DCAF8L2: variants seen among roughly 807,000 people sequenced by gnomAD.
The protein encoded by DCAF8L2 is DDB1- and CUL4-associated factor 8-like protein 2.
For missense variants in DCAF8L2, 430 were observed against 490.7 expected, an observed-to-expected ratio of 0.88 and a Z score of 1.17; for synonymous variants, 200 against 190.9, an observed-to-expected ratio of 1.05 and a Z score of -0.39.
chrX:27,548,205 C>T, the DCAF8L2 span, among the ~76,000 whole-genome samples: 7 of 107,348 alleles, frequency 6.5e-5, no homozygotes, highest in African/African-American at 2.4e-4. Flanking sequence ...TTTTCCGATA[C>T]CGGAAGTCAT....
chrX:27,536,792 C>T, the DCAF8L2 span, among the ~76,000 whole-genome samples: 151 of 111,895 alleles, frequency 1.3e-3, 1 homozygote, highest in Non-Finnish European at 2.5e-3. Flanking sequence ...GGCTCCACCC[C>T]GTTCTCCTGG....
chrX:27,620,791 G>A (rs1048802229), intron 1 of DCAF8L2, among the ~76,000 whole-genome samples: 2 of 111,630 alleles, frequency 1.8e-5, no homozygotes, highest in African/African-American at 3.3e-5. Flanking sequence ...TAAAATTGAT[G>A]TATGGTCCAG....
At chrX:27,709,209 C>T (rs779146166) in intron 3 of DCAF8L2, among the ~76,000 whole-genome samples, 2 of 112,349 alleles carry the variant, frequency 1.8e-5, no homozygotes, top group Admixed American at 9.4e-5. Flanking sequence ...CGTGAGCCAC[C>T]GCGCCCGACC....
chrX:27,474,875 G>T, the DCAF8L2 span, among the ~76,000 whole-genome samples: 1 of 110,712 alleles, frequency 9.0e-6, no homozygotes, highest in Non-Finnish European at 1.9e-5. Context: ...TACTTCTCTG[G>T]CCCAGGCACT....
chrX:27,551,669 CT>C, the DCAF8L2 span, among the ~76,000 whole-genome samples: 10 of 111,198 alleles, frequency 9.0e-5, no homozygotes, highest in Non-Finnish European at 1.7e-4. Flanking sequence ...GATTTCATTA[CT>C]TTTTTTATAT....
the DCAF8L2 span, among the ~76,000 whole-genome samples, chrX:27,505,899 G>A: frequency 8.9e-6 from 1 of 111,922 alleles, no homozygotes; most frequent in Non-Finnish European, 1.9e-5. Context: ...AAAGTTTGGG[G>A]TAATTTGTCA....
chrX:27,623,372 T>C (rs778730072), intron 1 of DCAF8L2, among the ~76,000 whole-genome samples: 9 of 111,590 alleles, frequency 8.1e-5, no homozygotes, highest in Non-Finnish European at 1.7e-4. Context: ...GCTGTATTAA[T>C]TTACTGTAAA....
chrX:27,492,336 A>G, the DCAF8L2 span, among the ~76,000 whole-genome samples: 1 of 111,987 alleles, frequency 8.9e-6, no homozygotes, highest in South Asian at 3.7e-4. Context: ...GTTGTTTACA[A>G]CTTTTGACTA....
chrX:27,584,688 A>G, the DCAF8L2 span, among the ~76,000 whole-genome samples: 2 of 111,826 alleles, frequency 1.8e-5, no homozygotes, highest in Admixed American at 1.9e-4. Flanking sequence ...TATTCTATGT[A>G]AGGAAGTTAA....
intron 4 of DCAF8L2, among the ~76,000 whole-genome samples, chrX:27,718,939 T>C (rs1411565180): frequency 8.9e-6 from 1 of 111,801 alleles, no homozygotes; most frequent in East Asian, 2.8e-4. Flanking sequence ...TGTATGTATG[T>C]ATATTATATA....
At chrX:27,657,043 A>C (rs1929380234) in intron 2 of DCAF8L2, among the ~76,000 whole-genome samples, 1 of 110,809 alleles carries the variant, frequency 9.0e-6, no homozygotes, top group South Asian at 3.9e-4. Flanking sequence ...CCTGGGTAGA[A>C]TACAAGCAGA....
chrX:27,640,792 G>A (rs1039782885), intron 2 of DCAF8L2, among the ~76,000 whole-genome samples: 2 of 101,721 alleles, frequency 2.0e-5, no homozygotes, highest in Admixed American at 1.1e-4. Flanking sequence ...ATATGTAGTG[G>A]TATTTTACAA....
intron 1 of DCAF8L2, among the ~76,000 whole-genome samples, chrX:27,620,389 T>G (rs1927700130): frequency 9.0e-6 from 1 of 111,304 alleles, no homozygotes; most frequent in Non-Finnish European, 1.9e-5. Context: ...TTGTGGAAAT[T>G]TAAAAATTTA....
chrX:27,500,329 G>A, the DCAF8L2 span, among the ~76,000 whole-genome samples: 1 of 111,552 alleles, frequency 9.0e-6, no homozygotes, highest in Admixed American at 9.6e-5. Flanking sequence ...ATACCAATTG[G>A]TAAAAATAGG....
At chrX:27,505,853 A>G in the DCAF8L2 span, among the ~76,000 whole-genome samples, 5 of 112,265 alleles carry the variant, frequency 4.5e-5, no homozygotes, top group South Asian at 1.9e-3. Context: ...GGAAACAATA[A>G]TTGTGAGACA....
chrX:27,679,554 A>G (rs1245109766), intron 3 of DCAF8L2, among the ~76,000 whole-genome samples: 2 of 111,120 alleles, frequency 1.8e-5, no homozygotes, highest in African/African-American at 3.3e-5. Context: ...CATCCAGTTC[A>G]TGACAAGCAG....
At chrX:27,591,563 G>A (rs917273823) in intron 1 of DCAF8L2, among the ~76,000 whole-genome samples, 1 of 111,466 alleles carries the variant, frequency 9.0e-6, no homozygotes, top group Non-Finnish European at 1.9e-5. Flanking sequence ...TATTGAAAGC[G>A]TAGTAATAAA....
At chrX:27,722,641 T>G (rs1282658705) in intron 4 of DCAF8L2, among the ~76,000 whole-genome samples, 1 of 110,914 alleles carries the variant, frequency 9.0e-6, no homozygotes, top group Non-Finnish European at 1.9e-5. Flanking sequence ...AGTTGAGGAT[T>G]GTCTGTGTGT....
intron 4 of DCAF8L2, among the ~76,000 whole-genome samples, chrX:27,725,633 G>A (rs1932045914): frequency 9.1e-6 from 1 of 109,937 alleles, no homozygotes; most frequent in African/African-American, 3.3e-5. Flanking sequence ...GTTAAAAATT[G>A]TAAAGATAAA....
Sources: gnomAD v4.1 joint callset for allele counts (sites outside exome capture counted in the v4.1 genomes callset) on GRCh38, gnomAD v4.1.1 for gene constraint, MANE v1.5 for transcripts, NCBI Gene and HGNC (gene_info 2026-07-23, HGNC 2026-07-21) for gene names.